The following CACNA2D3 variants were observed in gnomAD, a reference collection of about 807,000 sequenced individuals.
The protein encoded by CACNA2D3 is voltage-dependent calcium channel subunit alpha-2/delta-3.
CACNA2D3 carries 60 observed loss-of-function variants against 160.6 expected under a neutral mutation model. The ratio of observed to expected loss-of-function variants is 0.37; its 90% CI spans 0.30 to 0.46. The LOEUF is 0.46. CACNA2D3 is among the 20% of genes least tolerant of loss of function. The probability of loss-of-function intolerance (pLI) is 1.00; values close to 1 mark genes in which losing one functional copy is unlikely to be tolerated. For missense variants in CACNA2D3, 1,205 were observed against 1,365.0 expected, an observed-to-expected ratio of 0.88 and a Z score of 1.85; for synonymous variants, 558 against 492.9, an observed-to-expected ratio of 1.13 and a Z score of -1.75.
chr3:54,949,774 T>A (rs1478149807), intron 27 of CACNA2D3, among the ~76,000 whole-genome samples: 1 of 150,416 alleles, frequency 6.6e-6, no homozygotes, highest in Admixed American at 6.8e-5. Flanking sequence ...CACAGATAGA[T>A]GCATCCTTAG....
At chr3:54,488,854 A>G (rs997635817) in intron 4 of CACNA2D3, among the ~76,000 whole-genome samples, 1 of 152,132 alleles carries the variant, frequency 6.6e-6, no homozygotes, top group Non-Finnish European at 1.5e-5. Context: ...GATAAGTACT[A>G]TATGGGACAG....
intron 11 of CACNA2D3, among the ~76,000 whole-genome samples, chr3:54,648,225 A>G (rs1699691041): frequency 1.3e-5 from 2 of 152,204 alleles, no homozygotes; most frequent in African/African-American, 4.8e-5. Flanking sequence ...GTTACGAATG[A>G]TTTTCACATT....
At chr3:54,603,375 C>A (rs1703100339) in intron 9 of CACNA2D3, among the ~76,000 whole-genome samples, 2 of 152,198 alleles carry the variant, frequency 1.3e-5, no homozygotes, top group African/African-American at 4.8e-5. Context: ...CTCTCAACCC[C>A]ATCTATCCAA....
At chr3:54,734,423 A>C (rs1337589938) in intron 11 of CACNA2D3, among the ~76,000 whole-genome samples, 2 of 152,202 alleles carry the variant, frequency 1.3e-5, no homozygotes, top group Admixed American at 1.3e-4. Context: ...GGACTACTGC[A>C]ACTTCCCTGG....
chr3:54,997,559 C>CCA (rs1702886245), intron 31 of CACNA2D3, among the ~76,000 whole-genome samples: 9 of 147,188 alleles, frequency 6.1e-5, no homozygotes, highest in South Asian at 4.3e-4. Flanking sequence ...CACCCCCACC[C>CCA]AAAAAAAAAG....
At chr3:54,866,304 G>A (rs947232859) in intron 17 of CACNA2D3, among the ~76,000 whole-genome samples, 3 of 152,182 alleles carry the variant, frequency 2.0e-5, no homozygotes, top group Non-Finnish European at 2.9e-5. Context: ...GGAGTAAGGC[G>A]TACCTACATC....
At chr3:54,441,027 G>T (rs1016159542) in intron 4 of CACNA2D3, among the ~76,000 whole-genome samples, 8 of 152,002 alleles carry the variant, frequency 5.3e-5, no homozygotes, top group African/African-American at 1.9e-4. Flanking sequence ...GGGTCAAATG[G>T]TATTTCTAGT....
intron 16 of CACNA2D3, among the ~76,000 whole-genome samples, chr3:54,842,077 G>A (rs761406063): frequency 4.6e-5 from 7 of 152,226 alleles, no homozygotes; most frequent in Non-Finnish European, 5.9e-5. Flanking sequence ...GTTGGACTTC[G>A]TCATATAAGC....
rs565063378 is a variant in CACNA2D3 at position 54,280,736 on chromosome 3, CCTTTG to C, written c.205-39698_205-39694del. On this transcript the variant is annotated intron_variant, in intron 2 of 37. Coordinates refer to ENST00000474759, the MANE Select transcript of CACNA2D3 (RefSeq NM_018398.3). ...TGCCCTTTGATCTCTTGCCTTTGAG[CCTTTG>C]CTTTGCTGTTCCCTCTGCATCATTC... is the stretch of plus-strand genomic sequence containing the variant. 2.8e-4 allele frequency among the ~76,000 whole-genome samples: 43 copies of C among 152,268 alleles called. 1 individual carries two copies. In the South Asian group the frequency reaches 6.0e-3, roughly 21 times the overall value.
intron 11 of CACNA2D3, among the ~76,000 whole-genome samples, chr3:54,692,782 C>T (rs1181059872): frequency 1.3e-5 from 2 of 152,222 alleles, no homozygotes; most frequent in African/African-American, 4.8e-5. Flanking sequence ...GTGTGTGTCT[C>T]TAGCAGCCTT....
chr3:54,734,667 C>T (rs1701461131), intron 11 of CACNA2D3, among the ~76,000 whole-genome samples: 1 of 152,168 alleles, frequency 6.6e-6, no homozygotes, highest in African/African-American at 2.4e-5. Context: ...TCACAAAGAC[C>T]ATCTGACTTT....
chr3:54,841,800 C>T (rs1017150537), intron 16 of CACNA2D3, among the ~76,000 whole-genome samples: 8 of 152,222 alleles, frequency 5.3e-5, no homozygotes. Context: ...TAATTGGGTT[C>T]ACTTCATTAG....
At chr3:54,664,368 A>G (rs1303156586) in intron 11 of CACNA2D3, among the ~76,000 whole-genome samples, 2 of 152,224 alleles carry the variant, frequency 1.3e-5, no homozygotes, top group African/African-American at 4.8e-5. Flanking sequence ...TCAGAAAGCC[A>G]TATCTACATG....
At chr3:54,680,921 T>C (rs1211992887) in intron 11 of CACNA2D3, among the ~76,000 whole-genome samples, 1 of 152,150 alleles carries the variant, frequency 6.6e-6, no homozygotes, top group Non-Finnish European at 1.5e-5. Flanking sequence ...AGTGCAGGGC[T>C]GGTCCTGGGG....
chr3:54,691,414 A>G (rs1020958966), intron 11 of CACNA2D3, among the ~76,000 whole-genome samples: 2 of 152,156 alleles, frequency 1.3e-5, no homozygotes, highest in African/African-American at 4.8e-5. Flanking sequence ...TCAACAAAGG[A>G]ACATATTGTG....
At chr3:55,042,803 C>T (rs1379534479) in intron 35 of CACNA2D3, among the ~76,000 whole-genome samples, 1 of 152,054 alleles carries the variant, frequency 6.6e-6, no homozygotes, top group East Asian at 1.9e-4. Flanking sequence ...CAATCCATTC[C>T]CCCAACCACA....
chr3:54,742,239 C>T (rs530931755), intron 11 of CACNA2D3, among the ~76,000 whole-genome samples: 2 of 152,066 alleles, frequency 1.3e-5, no homozygotes, highest in South Asian at 2.1e-4. Flanking sequence ...GCCAACATGG[C>T]GAAACCCCAT....
chr3:54,732,435 GGTCTGGGGT>G (rs1456055392), intron 11 of CACNA2D3, among the ~76,000 whole-genome samples: 6 of 152,192 alleles, frequency 3.9e-5, no homozygotes, highest in Non-Finnish European at 8.8e-5. Context: ...ACAAGACACG[GGTCTGGGGT>G]GAGAGTTCAG....
At chr3:55,070,234 C>G (rs1371630720) in intron 35 of CACNA2D3, among the ~76,000 whole-genome samples, 1 of 152,082 alleles carries the variant, frequency 6.6e-6, no homozygotes, top group Non-Finnish European at 1.5e-5. Flanking sequence ...TCATTGGTGT[C>G]CTTGGCAATA....
Sources: gnomAD v4.1 joint callset for allele counts (sites outside exome capture counted in the v4.1 genomes callset) on GRCh38, gnomAD v4.1.1 for gene constraint, MANE v1.5 for transcripts, NCBI Gene and HGNC (gene_info 2026-07-23, HGNC 2026-07-21) for gene names.